The following ATP9A variants were observed in gnomAD, a reference collection of about 807,000 sequenced individuals.
ATP9A encodes ATPase phospholipid transporting 9A, also known as probable phospholipid-transporting ATPase IIA.
Under a neutral mutation model 144.1 loss-of-function variants are expected in ATP9A, and 52 were observed. The ratio of observed to expected loss-of-function variants is 0.36; its 90% CI spans 0.29 to 0.45. ATP9A has a LOEUF of 0.45. Ranked by LOEUF, ATP9A falls within the 20% of genes least tolerant of loss-of-function variation. ATP9A has a pLI of 1.00. For missense variants in ATP9A, 947 were observed against 1,392.7 expected (o/e 0.68, Z 5.09); for synonymous variants, 582 against 557.4 (o/e 1.04, Z -0.62).
chr20:51,739,022 G>C (rs1568843091), intron 1 of ATP9A, among the ~76,000 whole-genome samples: 1 of 152,142 alleles, frequency 6.6e-6, no homozygotes, highest in African/African-American at 2.4e-5. Context: ...CTGGGAGGCG[G>C]AGGTTGCAGT....
intron 14 of ATP9A, among the ~76,000 whole-genome samples, chr20:51,652,379 C>T (rs904269283): frequency 3.9e-5 from 6 of 152,220 alleles, no homozygotes; most frequent in Admixed American, 6.5e-5. Flanking sequence ...ATGAATCCTA[C>T]GCCAACTGGT....
chr20:51,714,520 T>G (rs1389685160), intron 3 of ATP9A, among the ~76,000 whole-genome samples: 1 of 152,164 alleles, frequency 6.6e-6, no homozygotes, highest in African/African-American at 2.4e-5. Context: ...TAGCTGGTAT[T>G]ACATGCCCAC....
At chr20:51,686,409 T>C (rs1331852083) in intron 9 of ATP9A, among the ~76,000 whole-genome samples, 1 of 151,242 alleles carries the variant, frequency 6.6e-6, no homozygotes, top group East Asian at 1.9e-4. Context: ...TTTAAATTTC[T>C]ATATGGTAAA....
chr20:51,729,367 G>A (rs545992266), intron 2 of ATP9A, among the ~76,000 whole-genome samples: 132 of 129,632 alleles, frequency 1.0e-3, no homozygotes, highest in African/African-American at 3.0e-3. Flanking sequence ...CCACTACCCA[G>A]TGCTGAACCC....
At chr20:51,680,593 T>A (rs1423477646) in intron 9 of ATP9A, among the ~76,000 whole-genome samples, 1 of 152,126 alleles carries the variant, frequency 6.6e-6, no homozygotes, top group Non-Finnish European at 1.5e-5. Flanking sequence ...CAGACGGACC[T>A]CAGCACTGCC....
chr20:51,751,016 G>A (rs763603592), intron 1 of ATP9A, among the ~76,000 whole-genome samples: 9 of 152,162 alleles, frequency 5.9e-5, no homozygotes, highest in Admixed American at 2.6e-4. Context: ...GAGGCTGGAC[G>A]TGGCTCCTTC....
At chr20:51,760,483 T>G (rs1394342887) in intron 1 of ATP9A, among the ~76,000 whole-genome samples, 1 of 152,120 alleles carries the variant, frequency 6.6e-6, no homozygotes, top group African/African-American at 2.4e-5. Context: ...TCCCAGCACT[T>G]TGGGAGGCCA....
At chr20:51,749,074 T>C (rs777169802) in intron 1 of ATP9A, among the ~76,000 whole-genome samples, 6 of 152,104 alleles carry the variant, frequency 3.9e-5, no homozygotes, top group Non-Finnish European at 8.8e-5. Context: ...AAAATAATGA[T>C]CAAAGGCCAG....
intron 3 of ATP9A, among the ~76,000 whole-genome samples, chr20:51,721,252 CA>C (rs1225327556): frequency 6.6e-6 from 1 of 152,146 alleles, no homozygotes; most frequent in Non-Finnish European, 1.5e-5. Context: ...CTGCCAACAG[CA>C]AAAAGGTTTA....
intron 14 of ATP9A, among the ~76,000 whole-genome samples, chr20:51,640,941 T>C (rs1041800168): frequency 1.3e-5 from 2 of 152,026 alleles, no homozygotes; most frequent in Non-Finnish European, 2.9e-5. Context: ...ATGTAAGCAA[T>C]TGGCCAGCTG....
intron 9 of ATP9A, among the ~76,000 whole-genome samples, chr20:51,681,921 T>C (rs2077501515): frequency 6.6e-6 from 1 of 152,154 alleles, no homozygotes; most frequent in African/African-American, 2.4e-5. Context: ...ATGCATTTAT[T>C]ACTGAAATGC....
Position 51,734,701 on chromosome 20 carries a change from T to C in ATP9A, c.69-4723A>G, listed in dbSNP as rs961826754. 31 of 170,932 alleles carry C rather than the reference T, an allele frequency of 1.8e-4. No individual in the cohort carries two copies. The Admixed American group carries it at 1.9e-3, about 10-fold the overall frequency. The allele number at this position is 170,932 out of a possible 1,614,324, so 10.6% of individuals were successfully genotyped here. Reference sequence around the variant, plus strand: ...TCCCAGTCACAAAGATATGACTTTCTTAAGTGGGTGAACCCCAAGTTCCTG... The same window carrying C: ...TCCCAGTCACAAAGATATGACTTTCCTAAGTGGGTGAACCCCAAGTTCCTG... On this transcript the variant is annotated intron_variant, in intron 1 of 27. Transcript: ENST00000338821.
chr20:51,691,399 G>A (rs1033006231), intron 7 of ATP9A, among the ~76,000 whole-genome samples: 2 of 152,206 alleles, frequency 1.3e-5, no homozygotes, highest in African/African-American at 4.8e-5. Context: ...AACCCAGGAG[G>A]TGAAGGTTGC....
intron 25 of ATP9A, among the ~76,000 whole-genome samples, chr20:51,608,153 C>T (rs922215521): frequency 5.8e-4 from 88 of 151,934 alleles, no homozygotes; most frequent in Non-Finnish European, 7.1e-4. Flanking sequence ...TGCCTAGGCA[C>T]ACGCCACCAC....
chr20:51,641,980 G>A (rs2077321338), intron 14 of ATP9A, among the ~76,000 whole-genome samples: 1 of 150,092 alleles, frequency 6.7e-6, no homozygotes, highest in African/African-American at 2.4e-5. Context: ...TTTATGAGAG[G>A]AAAGTGGGAG....
chr20:51,642,194 A>C (rs564433837), intron 14 of ATP9A, among the ~76,000 whole-genome samples: 1 of 151,598 alleles, frequency 6.6e-6, no homozygotes, highest in South Asian at 2.1e-4. Flanking sequence ...TCACTCTGTC[A>C]CCTAGGCTGG....
chr20:51,638,076 T>C (rs2077301393), intron 15 of ATP9A, among the ~76,000 whole-genome samples: 1 of 13,738 alleles, frequency 7.3e-5, no homozygotes, highest in African/African-American at 2.8e-4. Context: ...TCATTTTATA[T>C]ATATATATAT....
intron 9 of ATP9A, among the ~76,000 whole-genome samples, chr20:51,688,114 G>T (rs1319168616): frequency 6.6e-6 from 1 of 152,312 alleles, no homozygotes; most frequent in Admixed American, 6.5e-5. Context: ...TCTGCAGAAT[G>T]AGCATAATAT....
chr20:51,616,626 C>T (rs1006652676), intron 22 of ATP9A, among the ~76,000 whole-genome samples: 8 of 152,030 alleles, frequency 5.3e-5, no homozygotes, highest in African/African-American at 1.7e-4. Context: ...GCCCTTCACA[C>T]ACAGTCCTAA....
Sources: gnomAD v4.1 joint callset for allele counts (sites outside exome capture counted in the v4.1 genomes callset) on GRCh38, gnomAD v4.1.1 for gene constraint, MANE v1.5 for transcripts, NCBI Gene and HGNC (gene_info 2026-07-23, HGNC 2026-07-21) for gene names.